PUM3: variants seen among roughly 807,000 people sequenced by gnomAD.
PUM3 encodes pumilio RNA binding family member 3, also known as pumilio homolog 3.
PUM3 carries 91 observed loss-of-function variants against 84.0 expected under a neutral mutation model. That is an observed-to-expected ratio of 1.08 (90% confidence interval 0.91 to 1.29). The LOEUF is 1.29. PUM3 is among the 50% of genes most tolerant of loss of function. The pLI is 0.00. For synonymous variants in PUM3, 321 were observed against 266.7 expected (o/e 1.20, Z -1.98); for missense variants, 1,067 against 767.5 (o/e 1.39, Z -4.61).
chr9:2,830,639 G>C (rs970203584), intron 7 of PUM3, among the ~76,000 whole-genome samples: 1 of 152,154 alleles, frequency 6.6e-6, no homozygotes, highest in African/African-American at 2.4e-5. Flanking sequence ...GTGCTTATCT[G>C]TTGCTCACTC....
intron 1 of PUM3, among the ~76,000 whole-genome samples, chr9:2,840,226 C>T (rs1816234348): frequency 6.6e-6 from 1 of 152,196 alleles, no homozygotes; most frequent in Admixed American, 6.5e-5. Context: ...GTAGTGTTTT[C>T]CAGGTTTCTC....
At chr9:2,809,937 CAT>C (rs932951214) in intron 16 of PUM3, among the ~76,000 whole-genome samples, 5 of 152,082 alleles carry the variant, frequency 3.3e-5, no homozygotes, top group Non-Finnish European at 7.4e-5. Flanking sequence ...TTTCTTCAAA[CAT>C]AGAGATAAAT....
chr9:2,826,442 A>C (rs1002823865), intron 10 of PUM3, among the ~76,000 whole-genome samples: 10 of 151,586 alleles, frequency 6.6e-5, no homozygotes, highest in African/African-American at 2.2e-4. Context: ...CAAAACTCCA[A>C]TGAATGTATA....
At chr9:2,805,941 A>C (rs1168149768) in intron 17 of PUM3, among the ~76,000 whole-genome samples, 1 of 152,202 alleles carries the variant, frequency 6.6e-6, no homozygotes, top group East Asian at 1.9e-4. Context: ...TTTTCAGCCA[A>C]CATACAAGGC....
In PUM3 at chr9:2,828,795, C is replaced by T. The variant is rs367891330; in HGVS notation, c.853-17G>A. On this transcript the variant is annotated splice_polypyrimidine_tract_variant and intron_variant, in intron 8 of 17. Transcript: ENST00000397885. Reference sequence around the variant, plus strand: ...ATCTGCTGACTGCAACAAAACAAAACAATCAAACCCCTCTAAATTTAATCA... The same window carrying T: ...ATCTGCTGACTGCAACAAAACAAAATAATCAAACCCCTCTAAATTTAATCA... 1.4e-5 allele frequency: 18 copies of T among 1,301,558 alleles called. No individual in the cohort carries two copies. Among genetic ancestry groups the T allele is most frequent in the Middle Eastern group, 1.8e-4 (1 of 5,432 alleles). The allele number at this position is 1,301,558 out of a possible 1,614,324, so 80.6% of individuals were successfully genotyped here. A position where few individuals can be genotyped will look rare whatever the true frequency, so the allele number is the denominator to read the frequency against.
chr9:2,837,456 C>A, intron 2 of PUM3, 55 bp from the exon 3 acceptor site: 1 of 1,189,220 alleles, frequency 8.4e-7, no homozygotes, highest in Non-Finnish European at 1.2e-6. Context: ...TCTCTTTTAT[C>A]TATTGGATTA....
At chr9:2,813,407 C>G (rs1821409022) in intron 13 of PUM3, among the ~76,000 whole-genome samples, 2 of 152,186 alleles carry the variant, frequency 1.3e-5, no homozygotes, top group Non-Finnish European at 2.9e-5. Context: ...CATGTTTGAG[C>G]ACCCCATATT....
Position 2,811,593 on chromosome 9 carries a change from A to G in PUM3, c.1413-10T>C. 6.2e-7 allele frequency: 1 copy of G among 1,601,238 alleles called. No individual in the cohort carries two copies. Among genetic ancestry groups the G allele is most frequent in the Non-Finnish European group, 8.6e-7 (1 of 1,168,622 alleles). On this transcript the variant is annotated splice_polypyrimidine_tract_variant and intron_variant, in intron 14 of 17. Transcript: ENST00000397885. ...CTCTGTATCTTTCTTACTGTTGAGT[A>G]TGTTGAACGGGGTATTAAGGTAAGA...
intron 3 of PUM3, among the ~76,000 whole-genome samples, chr9:2,836,030 T>C (rs765840117): frequency 1.1e-4 from 16 of 152,012 alleles, no homozygotes; most frequent in East Asian, 5.8e-4. Context: ...CTTCTGGCAA[T>C]TGGGGAGGAG....
intron 7 of PUM3, 106 bp from the exon 8 acceptor site, chr9:2,830,054 T>C: frequency 1.1e-6 from 1 of 942,922 alleles, no homozygotes; most frequent in East Asian, 2.5e-5. Flanking sequence ...TCTGTGTCAC[T>C]CTGAGGAGTA....
At chr9:2,836,267 C>A (rs1816117841) in intron 3 of PUM3, among the ~76,000 whole-genome samples, 1 of 152,012 alleles carries the variant, frequency 6.6e-6, no homozygotes, top group Non-Finnish European at 1.5e-5. Context: ...TCTCAGCTGG[C>A]AACAAAGGAG....
intron 8 of PUM3, 66 bp downstream of exon 8, chr9:2,829,708 A>G (rs1039775353): frequency 2.6e-5 from 35 of 1,332,876 alleles, no homozygotes; most frequent in Non-Finnish European, 3.7e-5. Flanking sequence ...TATATAGGGC[A>G]CCGGAAGTTA....
chr9:2,838,275 G>A (rs149349962), intron 2 of PUM3, 151 bp downstream of exon 2: 2 of 606,360 alleles, frequency 3.3e-6, no homozygotes, highest in African/African-American at 1.8e-5. Flanking sequence ...TAAATGTCAT[G>A]AGCAACATGT....
chr9:2,836,811 G>A (rs1261707598), intron 3 of PUM3, among the ~76,000 whole-genome samples: 6 of 146,846 alleles, frequency 4.1e-5, no homozygotes, highest in Non-Finnish European at 9.0e-5. Context: ...GTGTGTGTGC[G>A]TGTGTGTGTG....
chr9:2,829,995 C>A, intron 7 of PUM3, 47 bp from the exon 8 acceptor site: 1 of 1,543,574 alleles, frequency 6.5e-7, no homozygotes, highest in Non-Finnish European at 8.9e-7. Context: ...AAGGAGAAAG[C>A]TGGGTGACAA....
At chr9:2,808,225 C>A (rs1821300812) in intron 16 of PUM3, among the ~76,000 whole-genome samples, 1 of 152,262 alleles carries the variant, frequency 6.6e-6, no homozygotes, top group South Asian at 2.1e-4. Flanking sequence ...TTAACTTTGA[C>A]CTGAAAGCTA....
chr9:2,824,585 C>A (rs571874732), intron 11 of PUM3, 132 bp downstream of exon 11: 1 of 469,972 alleles, frequency 2.1e-6, no homozygotes, highest in African/African-American at 2.0e-5. Context: ...TAAGGCACAA[C>A]TTTTGGAAGA....
intron 1 of PUM3, among the ~76,000 whole-genome samples, chr9:2,839,906 C>T (rs957038039): frequency 1.3e-5 from 2 of 152,186 alleles, no homozygotes; most frequent in Non-Finnish European, 2.9e-5. Flanking sequence ...TATACCCTTT[C>T]CCCAGCTTCC....
intron 10 of PUM3, 44 bp from the exon 11 acceptor site, chr9:2,824,859 C>T (rs1210465240): frequency 6.0e-6 from 8 of 1,324,548 alleles, no homozygotes; most frequent in East Asian, 2.7e-5. Flanking sequence ...GCTTTATTTT[C>T]TTCTTTCTAC....
Sources: gnomAD v4.1 joint callset for allele counts (sites outside exome capture counted in the v4.1 genomes callset) on GRCh38, gnomAD v4.1.1 for gene constraint, MANE v1.5 for transcripts, NCBI Gene and HGNC (gene_info 2026-07-23, HGNC 2026-07-21) for gene names.